The following IQSEC3 variants were observed in gnomAD, a reference collection of about 807,000 sequenced individuals.
IQSEC3 encodes IQ motif and SEC7 domain-containing protein 3.
A neutral mutation model predicts 105.4 loss-of-function variants in IQSEC3; 50 were observed. The observed-to-expected ratio is 0.47, with a 90% CI of 0.38 to 0.60. The LOEUF (loss-of-function observed/expected upper bound fraction) is 0.60. Among genes scored for constraint, IQSEC3 ranks in the 20% least tolerant of loss-of-function variants. The pLI is 0.00. For missense variants in IQSEC3, 1,415 were observed against 1,630.0 expected, an observed-to-expected ratio of 0.87 and a Z score of 2.27; for synonymous variants, 708 against 746.0, an observed-to-expected ratio of 0.95 and a Z score of 0.83.
intron 1 of IQSEC3, among the ~76,000 whole-genome samples, chr12:91,952 C>T (rs1864100433): frequency 6.6e-6 from 1 of 152,278 alleles, no homozygotes; most frequent in South Asian, 2.1e-4. Flanking sequence ...CCAAGGAACA[C>T]AGCCTCCTAC....
rs578179077 is a variant in IQSEC3 at position 99,724 on chromosome 12, G to A, written c.623+510G>A. Among the ~76,000 whole-genome samples the A allele has an allele frequency of 8.5e-5, 13 of 152,306 alleles. No homozygotes were observed. In the East Asian group the frequency reaches 9.7e-4, roughly 11 times the overall value. On this transcript the variant is annotated intron_variant, in intron 2 of 13. Transcript: ENST00000538872. The stretch of plus-strand genomic sequence containing the variant: ...TTAGTTGACAGCCTCGGACTGGAGC[G>A]GGAGTGTTGAGGAGTCAGGTTTCAG...
chr12:84,548 G>A (rs1555071558), intron 1 of IQSEC3, among the ~76,000 whole-genome samples: 1 of 152,204 alleles, frequency 6.6e-6, no homozygotes, highest in Non-Finnish European at 1.5e-5. Context: ...GGGGCGTTTA[G>A]GACCTATGTG....
chr12:141,447 A>C (rs1176501604), intron 5 of IQSEC3, 162 bp downstream of exon 5: 1 of 698,068 alleles, frequency 1.4e-6, no homozygotes, highest in Admixed American at 2.9e-5. Context: ...CCATCACCCC[A>C]GTGGGCCGGA....
intron 5 of IQSEC3, chr12:148,610 G>T (rs2270798): frequency 6.6e-6 from 1 of 152,158 alleles, no homozygotes; most frequent in Admixed American, 6.5e-5. Context: ...TAGCCGCATC[G>T]CACTTTGCCA....
chr12:99,252 C>T (rs1864342701), intron 2 of IQSEC3, 38 bp downstream of exon 2: 2 of 1,571,582 alleles, frequency 1.3e-6, no homozygotes, highest in African/African-American at 2.7e-5. Context: ...CGCATCCCCA[C>T]CTTCCTTCCT....
At position 169,113 on chromosome 12, in the gene IQSEC3, T is replaced by C. The variant is rs781926481; in HGVS notation, c.3064+8T>C. ...AGCAAGGATCGCCGACAGGTGAGCCTCGGCTCCGCTCAGGGCACCAGTCCC... is the reference window on the plus strand; with the variant it reads ...AGCAAGGATCGCCGACAGGTGAGCCCCGGCTCCGCTCAGGGCACCAGTCCC... On this transcript the variant is annotated splice_region_variant and intron_variant, in intron 12 of 13. Transcript: ENST00000538872. 1.3e-5 allele frequency: 21 copies of C among 1,612,862 alleles called. No homozygotes were observed. The highest frequency in any genetic ancestry group is 1.6e-5 in the Non-Finnish European group (19 of 1,179,450).
chr12:131,445 T>C (rs776446005), intron 3 of IQSEC3, among the ~76,000 whole-genome samples: 1 of 152,126 alleles, frequency 6.6e-6, no homozygotes, highest in Non-Finnish European at 1.5e-5. Flanking sequence ...CTCGCTGTCA[T>C]GGATGGAGCT....
intron 5 of IQSEC3, among the ~76,000 whole-genome samples, chr12:149,846 G>A (rs893910855): frequency 1.3e-5 from 2 of 152,186 alleles, no homozygotes; most frequent in African/African-American, 4.8e-5. Context: ...GGCTGCAGGG[G>A]GGGACCATGC....
chr12:147,763 C>G (rs1446112971), intron 5 of IQSEC3: 1 of 152,158 alleles, frequency 6.6e-6, no homozygotes, highest in East Asian at 1.9e-4. Flanking sequence ...CTTACCTTGG[C>G]GTTATTTGCT....
At position 138,554 on chromosome 12, in the gene IQSEC3, G is replaced by C. The variant is rs782549208; in HGVS notation, c.1191G>C (p.Glu397Asp). ...LPPTFAGTLTELEDSFTEQVQ... is the reference protein window; with the variant it reads ...LPPTFAGTLTDLEDSFTEQVQ... ...CCACCTTCGCAGGCACCCTCACCGAGCTGGAGGACTCCTTCACCGAGCAGG... is the reference window on the plus strand; with the variant it reads ...CCACCTTCGCAGGCACCCTCACCGACCTGGAGGACTCCTTCACCGAGCAGG... Residue 397 changes from glutamate to aspartate, a missense_variant, in exon 4 of 14, where the codon GAG becomes GAC. Transcript: ENST00000538872. This position sits in a 1 kb window ranked among gnomAD's most constrained non-coding sequence, Gnocchi z 7.1. 6.3e-7 allele frequency: 1 copy of C among 1,582,712 alleles called. No individual in the cohort carries two copies. The highest frequency in any genetic ancestry group is 1.3e-5 in the African/African-American group (1 of 74,434).
At chr12:125,938 G>T (rs1555083328) in intron 3 of IQSEC3, 26 bp downstream of exon 3, 1 of 1,525,186 alleles carries the variant, frequency 6.6e-7, no homozygotes, top group South Asian at 1.2e-5. Flanking sequence ...TAGGGGGGCG[G>T]GGAGGGTGGT....
intron 2 of IQSEC3, among the ~76,000 whole-genome samples, chr12:106,012 C>T (rs150240260): frequency 6.6e-6 from 1 of 152,260 alleles, no homozygotes; most frequent in African/African-American, 2.4e-5. Flanking sequence ...AGGAGAAGTC[C>T]TGCTAACTCT....
intron 5 of IQSEC3, 144 bp from the exon 6 acceptor site, chr12:156,881 T>A: frequency 1.0e-6 from 1 of 995,412 alleles, no homozygotes; most frequent in Non-Finnish European, 1.4e-6. Context: ...ATGGTCCTCT[T>A]GGGGCATTAA....
At chr12:79,621 G>T (rs1863676833) in intron 1 of IQSEC3, among the ~76,000 whole-genome samples, 1 of 151,978 alleles carries the variant, frequency 6.6e-6, no homozygotes, top group South Asian at 2.1e-4. Context: ...TGTAGAGACG[G>T]AGGCCTCCCT....
In IQSEC3 at chr12:157,053, A is replaced by G. The variant is rs782075832; in HGVS notation, c.2182A>G (p.Ser728Gly). 29 of 1,606,600 alleles carry G rather than the reference A, an allele frequency of 1.8e-5. No homozygotes were observed. Among genetic ancestry groups the G allele is most frequent in the Middle Eastern group, 3.3e-4 (2 of 6,058 alleles). ...CGTGGTGGACGAGATGGACTTCTCC[A>G]GCATGGAGCTGGACGAGGCCCTGCG... ...DCVVDEMDFS[S>G]MELDEALRKF... The change falls in exon 6 of 14, where the codon AGC (serine) becomes GGC (glycine). Residue 728 changes from serine (S) to glycine (G), a missense_variant. Around this residue, in one of 6 missense-constraint regions of IQSEC3, gnomAD observed 213 missense variants for 306.2 expected, o/e 0.70. Coordinates refer to ENST00000538872, the MANE Select transcript of IQSEC3 (RefSeq NM_001170738.2).
chr12:125,937 GGGGA>G, intron 3 of IQSEC3, 25 bp downstream of exon 3: 4 of 1,524,846 alleles, frequency 2.6e-6, no homozygotes, highest in Non-Finnish European at 3.5e-6. Flanking sequence ...CTAGGGGGGC[GGGGA>G]GGGTGGTGAA....
chr12:123,399 C>T (rs928349491), intron 2 of IQSEC3, among the ~76,000 whole-genome samples: 2 of 152,190 alleles, frequency 1.3e-5, no homozygotes, highest in South Asian at 4.2e-4. Context: ...TGTGATTGAG[C>T]CACTGCACTC....
intron 1 of IQSEC3, among the ~76,000 whole-genome samples, chr12:84,876 C>T (rs1555071638): frequency 6.6e-6 from 1 of 152,158 alleles, no homozygotes; most frequent in Non-Finnish European, 1.5e-5. Flanking sequence ...AAGATCAAGG[C>T]TCTTCCACTC....
At chr12:154,652 C>T (rs1371511079) in intron 5 of IQSEC3, among the ~76,000 whole-genome samples, 1 of 152,112 alleles carries the variant, frequency 6.6e-6, no homozygotes, top group African/African-American at 2.4e-5. Context: ...CGCTCCATGC[C>T]GCCCCCACCA....
Sources: gnomAD v4.1 joint callset for allele counts (sites outside exome capture counted in the v4.1 genomes callset) on GRCh38, gnomAD v4.1.1 for gene constraint, gnomAD v4.1.1 regional missense constraint, Gnocchi (gnomAD v3.1) non-coding constraint, MANE v1.5 for transcripts, NCBI Gene and HGNC (gene_info 2026-07-23, HGNC 2026-07-21) for gene names.